LAPTM4B: variants seen among roughly 807,000 people sequenced by gnomAD.
The protein encoded by LAPTM4B is lysosomal protein transmembrane 4 beta.
In LAPTM4B, 26 loss-of-function variants were observed where a neutral mutation model predicts 28.5. The observed-to-expected ratio is 0.91, with a 90% CI of 0.67 to 1.27. The LOEUF is 1.27. LAPTM4B is among the 50% of genes most tolerant of loss of function. LAPTM4B has a pLI of 0.00. For synonymous variants in LAPTM4B, 109 were observed against 106.4 expected (o/e 1.02, Z -0.15); for missense variants, 288 against 285.8 (o/e 1.01, Z -0.06).
Position 97,814,115 on chromosome 8 carries a change from C to T in LAPTM4B, c.212-1213C>T, listed in dbSNP as rs368067052. On this transcript the variant is annotated intron_variant, in intron 2 of 6. Coordinates refer to ENST00000521545, the MANE Select transcript of LAPTM4B (RefSeq NM_018407.6). ...GCCTATAATCCCATAGTGACAATGC[C>T]CAGGCAATTGAAGCTGCAATGAGCC... Among the ~76,000 whole-genome samples, 79 of 152,200 alleles carry T rather than the reference C, an allele frequency of 5.2e-4. 3 individuals carry two copies. The South Asian group carries it at 0.012, about 22-fold the overall frequency.
intron 6 of LAPTM4B, among the ~76,000 whole-genome samples, chr8:97,825,475 A>G (rs1343437256): frequency 6.6e-6 from 1 of 152,242 alleles, no homozygotes; most frequent in African/African-American, 2.4e-5. Context: ...GTATAATTCT[A>G]GATATCGCTT....
At chr8:97,847,344 C>G (rs945885324) in intron 6 of LAPTM4B, among the ~76,000 whole-genome samples, 1 of 152,194 alleles carries the variant, frequency 6.6e-6, no homozygotes, top group Non-Finnish European at 1.5e-5. Context: ...GTATGTTTAT[C>G]TAGGTGCTCC....
intron 6 of LAPTM4B, among the ~76,000 whole-genome samples, chr8:97,839,607 A>G (rs1184132843): frequency 6.6e-6 from 1 of 152,166 alleles, no homozygotes; most frequent in African/African-American, 2.4e-5. Flanking sequence ...AGCACTTGTA[A>G]ACGTTAGGAG....
In LAPTM4B at chr8:97,827,774, A is replaced by C. The variant is rs940865628; in HGVS notation, c.603+2621A>C. ...CGGGCTGAGTCCGAAAAAGAGAGTCAGCGAAGGGTGGTGGGATTGGAGCTA... is the reference window on the plus strand; with the variant it reads ...CGGGCTGAGTCCGAAAAAGAGAGTCCGCGAAGGGTGGTGGGATTGGAGCTA... On this transcript the variant is annotated intron_variant, in intron 6 of 6. Transcript: ENST00000521545. 3.9e-5 allele frequency among the ~76,000 whole-genome samples: 6 copies of C among 152,194 alleles called. No individual in the cohort carries two copies. In the East Asian group the frequency reaches 1.2e-3, roughly 29 times the overall value.
chr8:97,796,192 C>T (rs573325652), intron 1 of LAPTM4B, among the ~76,000 whole-genome samples: 99 of 152,308 alleles, frequency 6.5e-4, no homozygotes, highest in African/African-American at 2.1e-3. Context: ...CTACCTGCCT[C>T]GAGCTCCCAA....
intron 6 of LAPTM4B, among the ~76,000 whole-genome samples, chr8:97,832,770 G>T (rs969075542): frequency 6.7e-6 from 1 of 148,682 alleles, no homozygotes; most frequent in East Asian, 2.0e-4. Context: ...GCACTGGCGC[G>T]ATCTTGGCTC....
intron 1 of LAPTM4B, among the ~76,000 whole-genome samples, chr8:97,782,498 G>A (rs1816337377): frequency 6.6e-6 from 1 of 151,678 alleles, no homozygotes; most frequent in African/African-American, 2.4e-5. Flanking sequence ...GAGTGCAGTG[G>A]CGCAGTCTCA....
chr8:97,823,007 A>G (rs1817030885), intron 5 of LAPTM4B, among the ~76,000 whole-genome samples: 1 of 151,704 alleles, frequency 6.6e-6, no homozygotes, highest in Non-Finnish European at 1.5e-5. Context: ...ATGCCCGGCT[A>G]GTTTTTTGTA....
At chr8:97,805,277 A>C (rs1334407181) in intron 1 of LAPTM4B, 76 bp from the exon 2 acceptor site, 2 of 793,944 alleles carry the variant, frequency 2.5e-6, no homozygotes, top group Non-Finnish European at 4.1e-6. Context: ...CCATGTGGTC[A>C]GTGTAATTTT....
At chr8:97,791,882 A>G (rs1028104257) in intron 1 of LAPTM4B, among the ~76,000 whole-genome samples, 2 of 152,194 alleles carry the variant, frequency 1.3e-5, no homozygotes, top group African/African-American at 4.8e-5. Flanking sequence ...CACTGTTTTT[A>G]TAATATAAAA....
chr8:97,851,568 A>T lies in LAPTM4B; in HGVS notation c.*94A>T. 1 of 929,060 alleles carries T rather than the reference A, an allele frequency of 1.1e-6. No homozygotes were observed. Among genetic ancestry groups the T allele is most frequent in the Admixed American group, 2.0e-5 (1 of 48,858 alleles). 57.6% of individuals were successfully genotyped at this position (929,060 alleles called of 1,614,324 possible). On this transcript the variant is annotated 3_prime_UTR_variant, in exon 7 of 7. Transcript: ENST00000521545. Reference sequence around the variant, plus strand: ...TTCACTTTTGCCATGAGCCTCTCTGAGCTTGTTTGTTGCTGAAATGCTACT... The same window carrying T: ...TTCACTTTTGCCATGAGCCTCTCTGTGCTTGTTTGTTGCTGAAATGCTACT...
intron 6 of LAPTM4B, among the ~76,000 whole-genome samples, chr8:97,825,868 C>T (rs1159107609): frequency 6.6e-6 from 1 of 152,120 alleles, no homozygotes; most frequent in African/African-American, 2.4e-5. Context: ...TTAGTGAAAA[C>T]GATGGGGATG....
rs1164456625 is a variant in LAPTM4B, at chr8:97,816,121, T to G, written c.349T>G (p.Leu117Val). 1 of 1,613,974 alleles carries G rather than the reference T, an allele frequency of 6.2e-7. No homozygotes were observed. Among genetic ancestry groups the G allele is most frequent in the Non-Finnish European group, 8.5e-7 (1 of 1,179,894 alleles). The part of the protein sequence containing the change: ...YQIFDFALNM[L>V]VAITVLIYPN... ...GATCTTTGACTTTGCCCTGAACATGTTGGTTGCAATCACTGTGCTTATTTA... is the reference window on the plus strand; with the variant it reads ...GATCTTTGACTTTGCCCTGAACATGGTGGTTGCAATCACTGTGCTTATTTA... Residue 117 changes from leucine (L) to valine (V), a missense_variant, in exon 4 of 7, where the codon TTG (leucine) becomes GTG (valine). Coordinates refer to ENST00000521545, the MANE Select transcript of LAPTM4B (RefSeq NM_018407.6).
In LAPTM4B at chr8:97,775,854, C is replaced by T. The variant is rs1435107155; in HGVS notation, c.-156C>T. The T allele has an allele frequency of 2.6e-6, 4 of 1,515,178 alleles. No individual in the cohort carries two copies. The highest frequency in any genetic ancestry group is 2.8e-5 in the African/African-American group (2 of 70,496). 93.9% of individuals were successfully genotyped at this position (1,515,178 alleles called of 1,614,324 possible). ...CGACCCGGCAGAAGCTCGGAGCTCT[C>T]GGGGTATCGAGGAGGCAGGCCCGCG... On this transcript the variant is annotated 5_prime_UTR_variant, in exon 1 of 7. Coordinates refer to ENST00000521545, the MANE Select transcript of LAPTM4B (RefSeq NM_018407.6).
At chr8:97,846,021 A>C (rs990814312) in intron 6 of LAPTM4B, among the ~76,000 whole-genome samples, 1 of 149,668 alleles carries the variant, frequency 6.7e-6, no homozygotes, top group South Asian at 2.2e-4. Context: ...CCTAAGGCTA[A>C]TTTTTGTATT....
At chr8:97,802,569 G>C (rs1239482239) in intron 1 of LAPTM4B, among the ~76,000 whole-genome samples, 1 of 152,130 alleles carries the variant, frequency 6.6e-6, no homozygotes, top group East Asian at 1.9e-4. Context: ...TATCGGCATG[G>C]TCTTTGCGAC....
At chr8:97,826,173 T>C (rs933214704) in intron 6 of LAPTM4B, among the ~76,000 whole-genome samples, 2 of 152,320 alleles carry the variant, frequency 1.3e-5, no homozygotes, top group East Asian at 3.9e-4. Flanking sequence ...TACTGAGAAC[T>C]CTGTGTGATA....
At chr8:97,813,719 G>A (rs202148200) in intron 2 of LAPTM4B, among the ~76,000 whole-genome samples, 1 of 140,352 alleles carries the variant, frequency 7.1e-6, no homozygotes, top group Non-Finnish European at 1.6e-5. Flanking sequence ...TATTGTTGTT[G>A]TTTACATTTT....
At chr8:97,833,576 A>C (rs1817217026) in intron 6 of LAPTM4B, among the ~76,000 whole-genome samples, 2 of 152,168 alleles carry the variant, frequency 1.3e-5, no homozygotes, top group South Asian at 4.1e-4. Flanking sequence ...TTTGTTGAAG[A>C]AATTAGGTTG....
Sources: gnomAD v4.1 joint callset for allele counts (sites outside exome capture counted in the v4.1 genomes callset) on GRCh38, gnomAD v4.1.1 for gene constraint, MANE v1.5 for transcripts, NCBI Gene and HGNC (gene_info 2026-07-23, HGNC 2026-07-21) for gene names.